Variants in EPC2 observed in about 807,000 individuals in gnomAD.
EPC2 encodes the protein enhancer of polycomb 2.
EPC2 carries 14 observed loss-of-function variants against 92.1 expected under a neutral mutation model. The ratio of observed to expected loss-of-function variants is 0.15; its 90% confidence interval spans 0.10 to 0.24. The LOEUF is 0.24. Ranked by LOEUF, EPC2 falls within the 10% of genes least tolerant of loss-of-function variation. The pLI is 1.00. For synonymous variants in EPC2, 340 were observed against 334.7 expected, an observed-to-expected ratio of 1.02 and a Z score of -0.17; for missense variants, 755 against 971.5, an observed-to-expected ratio of 0.78 and a Z score of 2.96.
chr2:148,753,504 A>C (rs1342278982), intron 3 of EPC2, among the ~76,000 whole-genome samples: 6 of 152,228 alleles, frequency 3.9e-5, no homozygotes. Context: ...TTGGACGCAC[A>C]TAAAAAGAAA....
At chr2:148,775,658 A>AAATTAAATTTAATTT (rs1553451006) in intron 10 of EPC2, among the ~76,000 whole-genome samples, 2,459 of 138,572 alleles carry the variant, frequency 0.018, 75 homozygotes, top group African/African-American at 0.06. Flanking sequence ...TCTTTAAATA[A>AAATTAAATTTAATTT]AATTAAATAA....
At chr2:148,661,131 C>A (rs963206513) in intron 1 of EPC2, among the ~76,000 whole-genome samples, 1 of 152,002 alleles carries the variant, frequency 6.6e-6, no homozygotes, top group Non-Finnish European at 1.5e-5. Context: ...TGGGATTCAC[C>A]ATACATTTAT....
intron 1 of EPC2, among the ~76,000 whole-genome samples, chr2:148,659,541 AG>A (rs1209863819): frequency 6.6e-6 from 1 of 152,118 alleles, no homozygotes; most frequent in Non-Finnish European, 1.5e-5. Flanking sequence ...ACTGATGAAT[AG>A]AAATGTATTG....
intron 2 of EPC2, among the ~76,000 whole-genome samples, chr2:148,729,644 A>G (rs1396966042): frequency 1.3e-5 from 2 of 152,208 alleles, no homozygotes; most frequent in Admixed American, 6.5e-5. Flanking sequence ...TAAAGCAACA[A>G]GGGATGGAAA....
chr2:148,728,562 T>C (rs1229585845), intron 2 of EPC2, among the ~76,000 whole-genome samples: 1 of 151,950 alleles, frequency 6.6e-6, no homozygotes, highest in Non-Finnish European at 1.5e-5. Context: ...TGAGACCCCA[T>C]CTACATAAAC....
Position 148,647,432 on chromosome 2 carries a change from C to T in EPC2, c.153+2262C>T, listed in dbSNP as rs1223748088. Among the ~76,000 whole-genome samples the T allele has an allele frequency of 2.0e-5, 3 of 151,786 alleles. No homozygotes were observed. In the East Asian group the frequency reaches 5.9e-4, roughly 30 times the overall value. On this transcript the variant is annotated intron_variant, in intron 1 of 13. Coordinates refer to ENST00000258484, the MANE Select transcript of EPC2 (RefSeq NM_015630.4). Reference sequence around the variant, plus strand: ...AGGTGATTTTCCTGCCTCAGCCTCCCGAGCAGCTGAGATTATAGGCGCCCA... The same window carrying T: ...AGGTGATTTTCCTGCCTCAGCCTCCTGAGCAGCTGAGATTATAGGCGCCCA...
chr2:148,715,025 G>GTTTTT (rs60115354), intron 2 of EPC2, among the ~76,000 whole-genome samples: 11 of 86,888 alleles, frequency 1.3e-4, no homozygotes, highest in African/African-American at 3.7e-4. Flanking sequence ...TTCTTCTAGG[G>GTTTTT]TTTTTTTTTT....
chr2:148,725,068 A>T (rs1449301453), intron 2 of EPC2, among the ~76,000 whole-genome samples: 1 of 151,998 alleles, frequency 6.6e-6, no homozygotes, highest in East Asian at 1.9e-4. Context: ...ATATCGATGA[A>T]TTTTCTAATT....
At chr2:148,783,825 T>C in intron 12 of EPC2, 69 bp downstream of exon 12, 4 of 1,491,482 alleles carry the variant, frequency 2.7e-6, no homozygotes, top group Non-Finnish European at 3.6e-6. Flanking sequence ...AGTTTGTTTT[T>C]TGTTTTTTTA....
intron 3 of EPC2, among the ~76,000 whole-genome samples, chr2:148,749,498 T>C (rs1683047253): frequency 6.6e-6 from 1 of 151,782 alleles, no homozygotes; most frequent in Non-Finnish European, 1.5e-5. Flanking sequence ...TTTTTCATCA[T>C]GCAGCATTTT....
chr2:148,645,736 A>C (rs1683784974), intron 1 of EPC2, among the ~76,000 whole-genome samples: 1 of 151,936 alleles, frequency 6.6e-6, no homozygotes, highest in Non-Finnish European at 1.5e-5. Flanking sequence ...GGCGGGGGCC[A>C]CGACTACCGA....
chr2:148,644,847 T>G lies in EPC2; in HGVS notation c.-171T>G, dbSNP rs2105345928. On this transcript the variant is annotated 5_prime_UTR_variant, in exon 1 of 14. Transcript: ENST00000258484. ...AGGCGGCCGCGGGCGCGGGGGGCTG[T>G]TTTCGGGCGGGGTGGGCGCCCATGC... 5.0e-5 allele frequency: 27 copies of G among 535,028 alleles called. No individual in the cohort carries two copies. Among genetic ancestry groups the G allele is most frequent in the Admixed American group, 7.4e-5 (2 of 27,140 alleles). 33.1% of individuals were successfully genotyped at this position (535,028 alleles called of 1,614,324 possible). A position where few individuals can be genotyped will look rare whatever the true frequency, so the allele number is the denominator to read the frequency against.
intron 2 of EPC2, among the ~76,000 whole-genome samples, chr2:148,699,051 A>G (rs374045127): frequency 6.6e-6 from 1 of 152,074 alleles, no homozygotes; most frequent in Non-Finnish European, 1.5e-5. Context: ...TTTTGTTTCT[A>G]CCTTAATTAT....
intron 1 of EPC2, among the ~76,000 whole-genome samples, chr2:148,687,157 T>C (rs1221706023): frequency 6.6e-6 from 1 of 152,262 alleles, no homozygotes; most frequent in Non-Finnish European, 1.5e-5. Flanking sequence ...TGCGCTTTTA[T>C]GTTATGGAGA....
intron 1 of EPC2, among the ~76,000 whole-genome samples, chr2:148,649,038 A>G (rs1680584315): frequency 1.3e-5 from 2 of 152,234 alleles, no homozygotes; most frequent in African/African-American, 4.8e-5. Context: ...GACCAGAAAG[A>G]TCAGGCAGCC....
At chr2:148,736,086 C>T (rs1682748450) in intron 2 of EPC2, among the ~76,000 whole-genome samples, 1 of 152,104 alleles carries the variant, frequency 6.6e-6, no homozygotes, top group South Asian at 2.1e-4. Flanking sequence ...TTTGTAACCC[C>T]TAATGAATTA....
chr2:148,705,641 G>A (rs1371969424), intron 2 of EPC2, among the ~76,000 whole-genome samples: 1 of 152,298 alleles, frequency 6.6e-6, no homozygotes, highest in African/African-American at 2.4e-5. Flanking sequence ...GAAGGATTAG[G>A]CAGCAATATT....
At chr2:148,750,566 T>G (rs779408268) in intron 3 of EPC2, among the ~76,000 whole-genome samples, 37 of 152,108 alleles carry the variant, frequency 2.4e-4, no homozygotes, top group Non-Finnish European at 4.9e-4. Context: ...TGTGCAACCA[T>G]GTATATTTTG....
chr2:148,666,194 G>A (rs1217756261), intron 1 of EPC2, among the ~76,000 whole-genome samples: 3 of 152,288 alleles, frequency 2.0e-5, no homozygotes, highest in Non-Finnish European at 4.4e-5. Flanking sequence ...AGGTTTGAGT[G>A]CAATGGCATG....
Sources: allele counts gnomAD v4.1 joint callset (sites outside exome capture counted in the v4.1 genomes callset), GRCh38; gene constraint gnomAD v4.1.1; transcripts MANE v1.5; gene names NCBI Gene and HGNC (gene_info 2026-07-23, HGNC 2026-07-21).